CACNA1C: variants seen among roughly 807,000 people sequenced by gnomAD.
The protein encoded by CACNA1C is calcium voltage-gated channel subunit alpha1 C, also known as voltage-dependent L-type calcium channel subunit alpha-1C.
Under a neutral mutation model 229.0 loss-of-function variants are expected in CACNA1C, and 30 were observed. That is an observed-to-expected ratio of 0.13 (90% CI 0.10 to 0.18). CACNA1C has a LOEUF of 0.18. Ranked by LOEUF, CACNA1C falls within the 10% of genes least tolerant of loss-of-function variation. CACNA1C has a pLI of 1.00. For synonymous variants in CACNA1C, 1,114 were observed against 1,132.5 expected (o/e 0.98, Z 0.33); for missense variants, 1,658 against 2,845.0 (o/e 0.58, Z 9.49).
chr12:2,071,993 T>C (rs1243244989), intron 1 of CACNA1C, among the ~76,000 whole-genome samples: 1 of 152,160 alleles, frequency 6.6e-6, no homozygotes, highest in Non-Finnish European at 1.5e-5. Context: ...ACAAGGATGT[T>C]GTGAAGACAA....
At chr12:2,367,670 A>G (rs890805158) in intron 3 of CACNA1C, among the ~76,000 whole-genome samples, 2 of 152,230 alleles carry the variant, frequency 1.3e-5, no homozygotes, top group Admixed American at 1.3e-4. Context: ...AGCTGGTGCT[A>G]TAAAATACAA....
chr12:2,436,959 T>C (rs1374553871), intron 3 of CACNA1C, among the ~76,000 whole-genome samples: 1 of 152,224 alleles, frequency 6.6e-6, no homozygotes, highest in African/African-American at 2.4e-5. Flanking sequence ...CCCAGATGGC[T>C]GCCACAGTTC....
chr12:2,525,164 G>A (rs913479022), intron 9 of CACNA1C, among the ~76,000 whole-genome samples: 2 of 152,136 alleles, frequency 1.3e-5, no homozygotes, highest in African/African-American at 2.4e-5. Flanking sequence ...AGGAGCCACC[G>A]AAGAGATTTA....
At chr12:2,004,664 C>A in intron 1 of CACNA1C, 1 of 564,572 alleles carries the variant, frequency 1.8e-6, no homozygotes, top group Admixed American at 3.5e-5. Flanking sequence ...AAGCCCAGGC[C>A]TGCCCTCTGC....
At chr12:2,626,303 G>A (rs1602603195) in intron 29 of CACNA1C, among the ~76,000 whole-genome samples, 1 of 152,346 alleles carries the variant, frequency 6.6e-6, no homozygotes, top group African/African-American at 2.4e-5. Context: ...GGCTGTGGGA[G>A]CTTTCTGAGA....
At chr12:2,396,431 T>C (rs2098579408) in intron 3 of CACNA1C, among the ~76,000 whole-genome samples, 1 of 152,046 alleles carries the variant, frequency 6.6e-6, no homozygotes, top group African/African-American at 2.4e-5. Context: ...CTTTCTGTGG[T>C]TGGGGGCAGA....
rs111265188 is a variant in CACNA1C, at chr12:2,227,557, C to G, written c.477+107127C>G. On this transcript the variant is annotated intron_variant, in intron 3 of 46. Transcript: ENST00000399655. ...ATATGTCAGTTCCGTTTTTCTGTTTCTCTCCTGAAGAACTCACAAAGCCTC... is the reference window on the plus strand; with the variant it reads ...ATATGTCAGTTCCGTTTTTCTGTTTGTCTCCTGAAGAACTCACAAAGCCTC... 4.1e-3 allele frequency among the ~76,000 whole-genome samples: 632 copies of G among 152,298 alleles called. 12 individuals are homozygous for G. Among genetic ancestry groups the G allele is most frequent in the South Asian group, 0.034 (164 of 4,828 alleles).
At chr12:2,331,805 T>C (rs967558155) in intron 3 of CACNA1C, among the ~76,000 whole-genome samples, 3 of 148,024 alleles carry the variant, frequency 2.0e-5, no homozygotes, top group South Asian at 2.1e-4. Context: ...AGGGACATGC[T>C]ACAAATATCC....
chr12:2,447,398 G>A lies in CACNA1C; in HGVS notation c.478-1578G>A, dbSNP rs142184754. 2.8e-4 allele frequency among the ~76,000 whole-genome samples: 43 copies of A among 152,234 alleles called. 1 individual carries two copies. In the Middle Eastern group the frequency reaches 0.01, roughly 36 times the overall value. Reference sequence around the variant, plus strand: ...CCCCTGCACTCCTTTCCCACGCCGCGGCGTGATCTGGGCCTTCATCCACAC... The same window carrying A: ...CCCCTGCACTCCTTTCCCACGCCGCAGCGTGATCTGGGCCTTCATCCACAC... On this transcript the variant is annotated intron_variant, in intron 3 of 46. Transcript: ENST00000399655.
intron 3 of CACNA1C, among the ~76,000 whole-genome samples, chr12:2,382,172 G>A (rs894060344): frequency 6.6e-6 from 1 of 152,218 alleles, no homozygotes; most frequent in African/African-American, 2.4e-5. Flanking sequence ...CGCAAGTATA[G>A]ACAACACACC....
At chr12:2,439,424 C>G (rs1217267095) in intron 3 of CACNA1C, among the ~76,000 whole-genome samples, 1 of 152,236 alleles carries the variant, frequency 6.6e-6, no homozygotes, top group African/African-American at 2.4e-5. Context: ...ATTGGCTTCT[C>G]ATCCCCAGAC....
At chr12:2,421,405 A>G (rs1209765721) in intron 3 of CACNA1C, among the ~76,000 whole-genome samples, 1 of 152,228 alleles carries the variant, frequency 6.6e-6, no homozygotes, top group Non-Finnish European at 1.5e-5. Flanking sequence ...CATACTGTTA[A>G]TTAAATCTGC....
intron 9 of CACNA1C, among the ~76,000 whole-genome samples, chr12:2,533,135 C>CGAGGG (rs2099844986): frequency 6.6e-6 from 1 of 152,162 alleles, no homozygotes; most frequent in African/African-American, 2.4e-5. Flanking sequence ...AGAGGCTGTT[C>CGAGGG]AGTGGAATAA....
chr12:2,210,757 A>G (rs994145970), intron 3 of CACNA1C, among the ~76,000 whole-genome samples: 1 of 152,198 alleles, frequency 6.6e-6, no homozygotes, highest in Non-Finnish European at 1.5e-5. Flanking sequence ...TCATTCAGTC[A>G]TTCAGTCATG....
At chr12:2,582,989 C>A in intron 15 of CACNA1C, 47 bp downstream of exon 15, 1 of 1,409,516 alleles carries the variant, frequency 7.1e-7, no homozygotes, top group Non-Finnish European at 9.8e-7. Context: ...CAGCCCCCAG[C>A]CTGCAGCACA....
chr12:2,046,057 G>T (rs79500295), intron 1 of CACNA1C, among the ~76,000 whole-genome samples: 1,656 of 152,174 alleles, frequency 0.011, 24 homozygotes, highest in African/African-American at 0.038. Context: ...AAGGGACAAA[G>T]AAGGGGTTCT....
At chr12:2,534,233 G>A (rs1159707999) in intron 9 of CACNA1C, among the ~76,000 whole-genome samples, 1 of 152,152 alleles carries the variant, frequency 6.6e-6, no homozygotes, top group African/African-American at 2.4e-5. Context: ...AACCGTGTGT[G>A]GCATATTCTG....
intron 3 of CACNA1C, among the ~76,000 whole-genome samples, chr12:2,195,042 A>G (rs1436032319): frequency 6.6e-6 from 1 of 152,228 alleles, no homozygotes; most frequent in East Asian, 1.9e-4. Context: ...TGTCTTGAAA[A>G]TGAATCAAAT....
chr12:2,127,847 T>C (rs575965773), intron 3 of CACNA1C, among the ~76,000 whole-genome samples: 17 of 152,322 alleles, frequency 1.1e-4, no homozygotes, highest in African/African-American at 3.8e-4. Context: ...GGTATCTCTT[T>C]TGGCACGTGG....
Sources: allele counts gnomAD v4.1 joint callset (sites outside exome capture counted in the v4.1 genomes callset), GRCh38; gene constraint gnomAD v4.1.1; transcripts MANE v1.5; gene names NCBI Gene and HGNC (gene_info 2026-07-23, HGNC 2026-07-21).